The following TRPM1 variants were observed in gnomAD, a reference collection of about 807,000 sequenced individuals.
The protein encoded by TRPM1 is transient receptor potential cation channel subfamily M member 1.
Under a neutral mutation model 149.4 loss-of-function variants are expected in TRPM1, and 113 were observed. The observed-to-expected ratio is 0.76, with a 90% confidence interval of 0.65 to 0.88. TRPM1 has a LOEUF of 0.88. Ranked by LOEUF, TRPM1 falls within the 40% of genes least tolerant of loss-of-function variation. The pLI is 0.00. For synonymous variants in TRPM1, 741 were observed against 759.5 expected (o/e 0.98, Z 0.40); for missense variants, 1,976 against 2,038.7 (o/e 0.97, Z 0.59).
At chr15:31,108,151 C>G (rs572015011) in intron 1 of TRPM1, among the ~76,000 whole-genome samples, 3 of 100,544 alleles carry the variant, frequency 3.0e-5, no homozygotes, top group African/African-American at 1.1e-4. Context: ...AGCCACCACG[C>G]CTGTCCAATT....
chr15:31,046,501 G>C (rs1442260546), intron 15 of TRPM1, among the ~76,000 whole-genome samples: 6 of 152,198 alleles, frequency 3.9e-5, no homozygotes, highest in Admixed American at 6.5e-5. Context: ...GACATGTAGA[G>C]AGCTGTGGGG....
intron 1 of TRPM1, among the ~76,000 whole-genome samples, chr15:31,083,741 T>C (rs1279353443): frequency 1.3e-5 from 2 of 152,198 alleles, no homozygotes; most frequent in African/African-American, 4.8e-5. Context: ...CTGAGAGTCC[T>C]GCTCTGGCTT....
At chr15:31,138,526 C>T (rs1263025265) in intron 1 of TRPM1, among the ~76,000 whole-genome samples, 6 of 151,380 alleles carry the variant, frequency 4.0e-5, no homozygotes, top group African/African-American at 7.3e-5. Flanking sequence ...GGCTGTGTCG[C>T]GAAGTCAGTT....
At chr15:31,123,843 TCAAA>T (rs913340449) in intron 1 of TRPM1, among the ~76,000 whole-genome samples, 37 of 152,324 alleles carry the variant, frequency 2.4e-4, no homozygotes, top group African/African-American at 8.9e-4. Flanking sequence ...AGGCATTTAC[TCAAA>T]CAAATTCAAA....
chr15:31,022,746 C>T, intron 27 of TRPM1, among the ~76,000 whole-genome samples: 1 of 152,082 alleles, frequency 6.6e-6, no homozygotes, highest in East Asian at 1.9e-4. Context: ...AGGAGAAAAG[C>T]TTTTAAGTCA....
At chr15:31,080,193 A>T (rs1165521725) in intron 2 of TRPM1, among the ~76,000 whole-genome samples, 1 of 152,218 alleles carries the variant, frequency 6.6e-6, no homozygotes, top group Non-Finnish European at 1.5e-5. Flanking sequence ...TTTGGCAACC[A>T]TCAAGAATCT....
chr15:31,065,934 T>C (rs535704879), intron 7 of TRPM1, 142 bp downstream of exon 7: 819 of 1,010,404 alleles, frequency 8.1e-4, no homozygotes, highest in Admixed American at 2.0e-3. Context: ...AGGTAAGACA[T>C]CTAGGTGAGT....
At chr15:31,065,089 A>T (rs778624517) in intron 7 of TRPM1, 1 of 534,784 alleles carries the variant, frequency 1.9e-6, no homozygotes, top group South Asian at 1.4e-5. Context: ...CCCTGCTCAG[A>T]GCCCTAGGCG....
chr15:31,082,753 A>G (rs1034212379), intron 1 of TRPM1, among the ~76,000 whole-genome samples: 3 of 152,186 alleles, frequency 2.0e-5, no homozygotes, highest in African/African-American at 7.2e-5. Flanking sequence ...CCTTTGTACC[A>G]TCTGGGTGGG....
intron 16 of TRPM1, 135 bp downstream of exon 16, chr15:31,046,069 C>CT: frequency 1.3e-6 from 1 of 780,286 alleles, no homozygotes; most frequent in Non-Finnish European, 2.2e-6. Flanking sequence ...ATATATGGTC[C>CT]TTTTATATAA....
Position 31,002,165 on chromosome 15 carries a change from G to A in TRPM1, c.4535C>T (p.Ser1512Leu), listed in dbSNP as rs745740197. 7.4e-6 allele frequency: 12 copies of A among 1,614,060 alleles called. No homozygotes were observed. Among genetic ancestry groups the A allele is most frequent in the South Asian group, 2.2e-5 (2 of 91,094 alleles). ...SHSTDIPYIVSEAAVQAEHKE... is the reference protein window; with the variant it reads ...SHSTDIPYIVLEAAVQAEHKE... ...ATGCTCAGCTTGCACTGCAGCTTCC[G>A]ACACAATGTAAGGAATATCTGTGCT... The change falls in exon 28 of 28, where the codon TCG becomes TTG. Residue 1512 changes from serine to leucine, a missense_variant. Ser to Leu is a moderately radical substitution (Grantham distance 145). This residue lies in a region of TRPM1 where 572 missense variants were observed against 578.9 expected (regional missense o/e 0.99). Transcript: ENST00000256552.
At chr15:31,126,676 T>C (rs985184943) in intron 1 of TRPM1, among the ~76,000 whole-genome samples, 1 of 152,114 alleles carries the variant, frequency 6.6e-6, no homozygotes, top group East Asian at 1.9e-4. Flanking sequence ...TAGAAATGCA[T>C]TTGCCGGCCA....
intron 27 of TRPM1, among the ~76,000 whole-genome samples, chr15:31,007,008 T>C (rs1212592893): frequency 6.6e-6 from 1 of 152,220 alleles, no homozygotes; most frequent in African/African-American, 2.4e-5. Context: ...TTAGATATTT[T>C]GTATAAAAGT....
At chr15:31,015,135 C>T (rs558529772) in intron 27 of TRPM1, among the ~76,000 whole-genome samples, 4 of 123,944 alleles carry the variant, frequency 3.2e-5, no homozygotes, top group South Asian at 2.8e-4. Flanking sequence ...TGGCTGGGCA[C>T]GGTGGCTCAC....
chr15:31,076,878 A>T (rs1326985189), intron 3 of TRPM1, 27 bp downstream of exon 3: 1 of 1,510,364 alleles, frequency 6.6e-7, no homozygotes. Context: ...GGTTTGGATA[A>T]TGTCTTAATC....
intron 24 of TRPM1, 54 bp downstream of exon 24, chr15:31,029,317 G>A (rs1467378523): frequency 6.4e-7 from 1 of 1,573,982 alleles, no homozygotes; most frequent in African/African-American, 1.3e-5. Context: ...TAAGGAAAAG[G>A]TAATTGAAAA....
At chr15:31,108,589 G>A (rs1018406238) in intron 1 of TRPM1, among the ~76,000 whole-genome samples, 2 of 152,184 alleles carry the variant, frequency 1.3e-5, no homozygotes, top group Non-Finnish European at 2.9e-5. Context: ...TGCATCCCGG[G>A]TTCAAGTGAT....
At chr15:31,134,594 T>C (rs1266137570) in intron 1 of TRPM1, among the ~76,000 whole-genome samples, 1 of 152,158 alleles carries the variant, frequency 6.6e-6, no homozygotes, top group Non-Finnish European at 1.5e-5. Flanking sequence ...TTTCCAGTGA[T>C]TTTCCTGGGC....
At chr15:31,085,671 T>C (rs1327290236) in intron 1 of TRPM1, among the ~76,000 whole-genome samples, 1 of 152,118 alleles carries the variant, frequency 6.6e-6, no homozygotes, top group Non-Finnish European at 1.5e-5. Flanking sequence ...TCATCACAGG[T>C]CATGGGGTTG....
Sources: allele counts gnomAD v4.1 joint callset (sites outside exome capture counted in the v4.1 genomes callset), GRCh38; gene constraint gnomAD v4.1.1; regional missense constraint gnomAD v4.1.1; transcripts MANE v1.5; gene names NCBI Gene and HGNC (gene_info 2026-07-23, HGNC 2026-07-21).